EFR3B: variants seen among roughly 807,000 people sequenced by gnomAD.
EFR3B encodes the protein protein EFR3 homolog B.
In EFR3B, 64 loss-of-function variants were observed where a neutral mutation model predicts 104.7. The observed-to-expected ratio is 0.61, with a 90% CI of 0.50 to 0.75. The LOEUF (loss-of-function observed/expected upper bound fraction) is 0.75. Ranked by LOEUF, EFR3B falls within the 30% of genes least tolerant of loss-of-function variation. The probability of loss-of-function intolerance (pLI) is 0.00; values close to 1 mark genes in which losing one functional copy is unlikely to be tolerated. For missense variants in EFR3B, 750 were observed against 1,078.5 expected, an observed-to-expected ratio of 0.70 and a Z score of 4.27; for synonymous variants, 385 against 417.9, an observed-to-expected ratio of 0.92 and a Z score of 0.96.
intron 4 of EFR3B, among the ~76,000 whole-genome samples, chr2:25,117,708 G>A (rs975416209): frequency 2.0e-5 from 3 of 152,016 alleles, no homozygotes; most frequent in African/African-American, 4.8e-5. Flanking sequence ...CACCGTGCCC[G>A]GCTCCTCTTA....
intron 6 of EFR3B, among the ~76,000 whole-genome samples, chr2:25,129,407 T>G (rs1670266890): frequency 6.6e-6 from 1 of 151,022 alleles, no homozygotes; most frequent in Non-Finnish European, 1.5e-5. Context: ...GGTGGCTGTT[T>G]CTGGAATAGC....
rs1270898331 is a variant in EFR3B at position 25,042,299 on chromosome 2, C to T, written c.-14C>T. 4.6e-6 allele frequency: 6 copies of T among 1,291,460 alleles called. No individual in the cohort carries two copies. In the Admixed American group the frequency reaches 1.2e-4, roughly 27 times the overall value. The allele number at this position is 1,291,460 out of a possible 1,614,324, so 80.0% of individuals were successfully genotyped here. ...AGCGACGCCGGCCTCTCGAGAGGCG[C>T]GCGCCCCGCCGAGATGTACGGTAAG... is the stretch of plus-strand genomic sequence containing the variant. On this transcript the variant is annotated 5_prime_UTR_variant, in exon 1 of 23. Coordinates refer to ENST00000403714, the MANE Select transcript of EFR3B (RefSeq NM_014971.2). The surrounding 1 kb of genome is among the most constrained non-coding windows in gnomAD (Gnocchi z 5.4).
chr2:25,115,185 A>AAAAAG lies in EFR3B; in HGVS notation c.364-6473_364-6469dup, dbSNP rs1175787018. Among the ~76,000 whole-genome samples the AAAAAG allele has an allele frequency of 3.9e-5, 6 of 152,282 alleles. No homozygotes were observed. In the East Asian group the frequency reaches 9.6e-4, roughly 24 times the overall value. ...GACAGGAGTGAGATACTGTCTCAAG[A>AAAAAG]AAAAGAAAAGAAAAGAAAATGCAGA... On this transcript the variant is annotated intron_variant, in intron 4 of 22. Transcript: ENST00000403714.
Position 25,131,256 on chromosome 2 carries a change from G to C in EFR3B, c.850-112G>C. On this transcript the variant is annotated intron_variant, in intron 8 of 22. Transcript: ENST00000403714. The surrounding 1 kb of genome is among the most constrained non-coding windows in gnomAD (Gnocchi z 7.6). Reference sequence around the variant, plus strand: ...GTCAGTGCCAACTGCAGTGCCCGGGGCCTTGGAACGTCCCTTTAGTTTACC... The same window carrying C: ...GTCAGTGCCAACTGCAGTGCCCGGGCCCTTGGAACGTCCCTTTAGTTTACC... 2 of 1,408,000 alleles carry C rather than the reference G, an allele frequency of 1.4e-6. No homozygotes were observed. Among genetic ancestry groups the C allele is most frequent in the Non-Finnish European group, 1.9e-6 (2 of 1,052,896 alleles). The allele number at this position is 1,408,000 out of a possible 1,614,324, so 87.2% of individuals were successfully genotyped here.
At chr2:25,144,730 C>T (rs963374498) in intron 18 of EFR3B, among the ~76,000 whole-genome samples, 6 of 152,134 alleles carry the variant, frequency 3.9e-5, no homozygotes, top group East Asian at 1.9e-4. Context: ...TTCTCGTTGA[C>T]GATTTCAAAA....
chr2:25,151,928 G>A lies in EFR3B; in HGVS notation c.2206G>A (p.Val736Met). ...LKKAIVDSVA[V>M]EEQERERRRQ... Reference sequence around the variant, plus strand: ...CTGTGTCGAAGTGGACAGCGTAGCAGTGGAGGAGCAGGAGCGTGAGCGGCG... The same window carrying A: ...CTGTGTCGAAGTGGACAGCGTAGCAATGGAGGAGCAGGAGCGTGAGCGGCG... The change falls in exon 21 of 23, where the codon GTG becomes ATG. Residue 736 changes from valine (V) to methionine (M), a missense_variant. Physicochemically the swap from Val to Met is conservative, Grantham distance 21. Transcript: ENST00000403714. 6.4e-7 allele frequency: 1 copy of A among 1,551,786 alleles called. No individual in the cohort carries two copies. The highest frequency in any genetic ancestry group is 1.4e-5 in the African/African-American group (1 of 73,194).
intron 1 of EFR3B, chr2:25,081,299 C>T: frequency 2.1e-6 from 2 of 948,252 alleles, no homozygotes; most frequent in South Asian, 2.8e-5. Flanking sequence ...CAGCTGAAAC[C>T]TGCGCCTTCA....
At chr2:25,147,249 C>T (rs1670844479) in intron 19 of EFR3B, 1 of 152,226 alleles carries the variant, frequency 6.6e-6, no homozygotes, top group African/African-American at 2.4e-5. Flanking sequence ...TTCCCTAGCA[C>T]CCTGCAGGTG....
intron 3 of EFR3B, among the ~76,000 whole-genome samples, chr2:25,102,362 G>C (rs2149190608): frequency 6.6e-6 from 1 of 152,244 alleles, no homozygotes; most frequent in African/African-American, 2.4e-5. Flanking sequence ...TTCTCATGCT[G>C]CTATGAAGAA....
intron 4 of EFR3B, among the ~76,000 whole-genome samples, chr2:25,107,214 T>C (rs560722583): frequency 6.6e-6 from 1 of 152,142 alleles, no homozygotes; most frequent in Admixed American, 6.5e-5. Context: ...GCACCCAGCC[T>C]CTGTGCAGAT....
At chr2:25,152,620 G>A (rs1394826503) in intron 21 of EFR3B, among the ~76,000 whole-genome samples, 4 of 152,148 alleles carry the variant, frequency 2.6e-5, no homozygotes, top group African/African-American at 4.8e-5. Flanking sequence ...ATGTAGAAAT[G>A]AGGAGCCATG....
chr2:25,122,020 G>A (rs1246444092), intron 5 of EFR3B, among the ~76,000 whole-genome samples: 2 of 151,456 alleles, frequency 1.3e-5, no homozygotes, highest in Admixed American at 6.6e-5. Flanking sequence ...AGGCTAGAGT[G>A]CAGTGGCGCG....
chr2:25,149,819 A>G (rs2149214071), intron 20 of EFR3B, 77 bp downstream of exon 20: 1 of 1,310,592 alleles, frequency 7.6e-7, no homozygotes, highest in East Asian at 2.5e-5. Context: ...CAGATGCAGC[A>G]GGACACACCA....
At position 25,139,272 on chromosome 2, in the gene EFR3B, C is replaced by T. The variant is rs985647941; in HGVS notation, c.1854+82C>T. ...ACAGCTTTTCCTTAATTGCATTAGTCCTGTACCTACACTTAGGCAGTGAAG... is the reference window on the plus strand; with the variant it reads ...ACAGCTTTTCCTTAATTGCATTAGTTCTGTACCTACACTTAGGCAGTGAAG... On this transcript the variant is annotated intron_variant, in intron 16 of 22. Coordinates refer to ENST00000403714, the MANE Select transcript of EFR3B (RefSeq NM_014971.2). The T allele has an allele frequency of 9.7e-6, 14 of 1,449,958 alleles. No homozygotes were observed. The African/African-American group carries it at 1.9e-4, about 19-fold the overall frequency. 89.8% of individuals were successfully genotyped at this position (1,449,958 alleles called of 1,614,324 possible).
At chr2:25,054,578 G>A (rs956811376) in intron 1 of EFR3B, among the ~76,000 whole-genome samples, 1 of 152,150 alleles carries the variant, frequency 6.6e-6, no homozygotes, top group Non-Finnish European at 1.5e-5. Context: ...AAAGTGTTGG[G>A]ATTACAGGCA....
intron 2 of EFR3B, among the ~76,000 whole-genome samples, chr2:25,091,910 G>A (rs978571357): frequency 2.0e-5 from 3 of 152,078 alleles, no homozygotes; most frequent in South Asian, 2.1e-4. Flanking sequence ...TTTGTGGGTC[G>A]TGGGCTGGGA....
At chr2:25,143,591 C>T (rs1464079786) in intron 17 of EFR3B, 144 bp from the exon 18 acceptor site, 17 of 996,914 alleles carry the variant, frequency 1.7e-5, no homozygotes, top group South Asian at 1.0e-4. Context: ...ACCTGGAAGG[C>T]GGAGGTTGCA....
chr2:25,125,458 G>A (rs1346017509), intron 5 of EFR3B, among the ~76,000 whole-genome samples: 2 of 152,150 alleles, frequency 1.3e-5, no homozygotes, highest in African/African-American at 2.4e-5. Flanking sequence ...TCCCAAGTCC[G>A]GACAGCTGCC....
At chr2:25,091,537 C>A (rs961427285) in intron 2 of EFR3B, 136 bp downstream of exon 2, 3 of 744,726 alleles carry the variant, frequency 4.0e-6, no homozygotes, top group Non-Finnish European at 6.3e-6. Context: ...TGAGCCTTCC[C>A]AGAGAAACTG....
Sources: allele counts gnomAD v4.1 joint callset (sites outside exome capture counted in the v4.1 genomes callset), GRCh38; gene constraint gnomAD v4.1.1; non-coding constraint Gnocchi (gnomAD v3.1); transcripts MANE v1.5; gene names NCBI Gene and HGNC (gene_info 2026-07-23, HGNC 2026-07-21).